CEP290: variants seen among roughly 807,000 people sequenced by gnomAD.
The protein encoded by CEP290 is centrosomal protein 290.
Under a neutral mutation model 344.9 loss-of-function variants are expected in CEP290, and 317 were observed. That is an observed-to-expected ratio of 0.92 (90% CI 0.84 to 1.01). The LOEUF (loss-of-function observed/expected upper bound fraction) is 1.01. Ranked by LOEUF, CEP290 falls within the 50% of genes least tolerant of loss-of-function variation. The probability of loss-of-function intolerance (pLI) is 0.00; values close to 1 mark genes in which losing one functional copy is unlikely to be tolerated. For synonymous variants in CEP290, 932 were observed against 895.8 expected (o/e 1.04, Z -0.72); for missense variants, 2,754 against 2,761.4 (o/e 1.00, Z 0.06).
chr12:88,111,063 A>ATC (rs2038652684), intron 22 of CEP290, 139 bp downstream of exon 22: 2 of 443,840 alleles, frequency 4.5e-6, no homozygotes, highest in East Asian at 7.6e-5. Flanking sequence ...AATATTGAGA[A>ATC]AAGTACTATC....
rs142742071 is a variant in CEP290, at chr12:88,118,575, A to C, written c.1624-5T>G. 4 of 1,605,526 alleles carry C rather than the reference A, an allele frequency of 2.5e-6. No individual in the cohort carries two copies. The African/African-American group carries it at 5.4e-5, about 21-fold the overall frequency. The stretch of plus-strand genomic sequence containing the variant: ...TTCTTCCTCTAGACTTTCAATCTGC[A>C]AAGTATAAATTATTAGTATTTCTCT... On this transcript the variant is annotated splice_region_variant and splice_polypyrimidine_tract_variant and intron_variant, in intron 16 of 53. Coordinates refer to ENST00000552810, the MANE Select transcript of CEP290 (RefSeq NM_025114.4).
chr12:88,051,603 T>A (rs1379629440), intron 52 of CEP290: 1 of 152,166 alleles, frequency 6.6e-6, no homozygotes. Flanking sequence ...CTTTGAAAAA[T>A]GACAGGTAAT....
chr12:88,079,659 C>T (rs1225092488), intron 38 of CEP290, among the ~76,000 whole-genome samples: 1 of 152,022 alleles, frequency 6.6e-6, no homozygotes, highest in Non-Finnish European at 1.5e-5. Flanking sequence ...CAGAAAAACA[C>T]CAGCATCTTC....
intron 6 of CEP290, among the ~76,000 whole-genome samples, chr12:88,134,911 A>G (rs2040271889): frequency 6.6e-6 from 1 of 152,138 alleles, no homozygotes; most frequent in Non-Finnish European, 1.5e-5. Context: ...ATTAACCACC[A>G]TATATATCCT....
At position 88,055,664 on chromosome 12, in the gene CEP290, T is replaced by A; in HGVS notation, c.6872A>T (p.Gln2291Leu). ...AAGCTGTTTAAGGTCAGTAATGCTT[T>A]GATTTTTTTTGGCAATATCAGTTTC... ...ELETDIAKKN[Q>L]SITDLKQLVK... Residue 2291 changes from glutamine (Q) to leucine (L), a missense_variant, in exon 50 of 54, where the codon CAA (glutamine) becomes CTA (leucine). Transcript: ENST00000552810. The A allele has an allele frequency of 6.4e-7, 1 of 1,556,854 alleles. No individual in the cohort carries two copies. Among genetic ancestry groups the A allele is most frequent in the Non-Finnish European group, 8.7e-7 (1 of 1,151,454 alleles).
intron 14 of CEP290, 76 bp downstream of exon 14, chr12:88,120,921 A>G: frequency 2.5e-6 from 3 of 1,206,786 alleles, no homozygotes; most frequent in Non-Finnish European, 1.2e-6. Context: ...AATGGTATGC[A>G]GTAAATAGCA....
intron 22 of CEP290, among the ~76,000 whole-genome samples, chr12:88,110,704 GT>G (rs2038625587): frequency 6.6e-6 from 1 of 152,070 alleles, no homozygotes; most frequent in Admixed American, 6.5e-5. Context: ...GTGAGGCTCT[GT>G]CTCAAAAAAA....
chr12:88,131,686 T>C (rs1276131603), intron 6 of CEP290, among the ~76,000 whole-genome samples: 5 of 152,070 alleles, frequency 3.3e-5, no homozygotes, highest in Non-Finnish European at 5.9e-5. Context: ...ACATAAATAA[T>C]AGGCCAAAAT....
chr12:88,114,474 A>C lies in CEP290; in HGVS notation c.1998T>G (p.Asp666Glu), dbSNP rs376320828. 4 of 1,548,266 alleles carry C rather than the reference A, an allele frequency of 2.6e-6. No individual in the cohort carries two copies. In the Admixed American group the frequency reaches 7.9e-5, roughly 31 times the overall value. ...TTAGAGATGTTTCTCCTCCTTTAAC[A>C]TCAGGATCTTTCTGCATTTCCTTAA... ...QAIKEMQKDPDVKGGETSLII... is the reference protein window; with the variant it reads ...QAIKEMQKDPEVKGGETSLII... Residue 666 changes from aspartate (D) to glutamate (E), a missense_variant, in exon 20 of 54, where the codon GAT (aspartate) becomes GAG (glutamate). Asp to Glu is a conservative substitution (Grantham distance 45, BLOSUM62 2). Transcript: ENST00000552810.
intron 6 of CEP290, among the ~76,000 whole-genome samples, chr12:88,134,111 C>G (rs952470708): frequency 6.6e-6 from 1 of 152,112 alleles, no homozygotes; most frequent in African/African-American, 2.4e-5. Context: ...CACAGATACC[C>G]TTTTTGAATA....
intron 31 of CEP290, among the ~76,000 whole-genome samples, chr12:88,088,361 A>G (rs1348909360): frequency 6.6e-6 from 1 of 152,198 alleles, no homozygotes; most frequent in Non-Finnish European, 1.5e-5. Flanking sequence ...CCATATTAAA[A>G]GTAAATGTGG....
At chr12:88,112,317 G>A (rs912306704) in intron 20 of CEP290, among the ~76,000 whole-genome samples, 4 of 152,058 alleles carry the variant, frequency 2.6e-5, no homozygotes, top group African/African-American at 9.7e-5. Context: ...TGCATTCAAA[G>A]CATGCGCAAA....
At chr12:88,071,758 T>A in intron 42 of CEP290, 23 bp downstream of exon 42, 1 of 1,546,424 alleles carries the variant, frequency 6.5e-7, no homozygotes, top group Non-Finnish European at 8.7e-7. Context: ...CATAATTAGT[T>A]TTATAATGAT....
intron 26 of CEP290, among the ~76,000 whole-genome samples, chr12:88,098,327 C>T (rs983669729): frequency 2.2e-5 from 3 of 134,218 alleles, no homozygotes; most frequent in East Asian, 4.6e-4. Flanking sequence ...AAGTCAGTAT[C>T]GACCAGGTGC....
intron 5 of CEP290, among the ~76,000 whole-genome samples, chr12:88,138,818 A>T (rs2040479182): frequency 6.6e-6 from 1 of 152,200 alleles, no homozygotes; most frequent in South Asian, 2.1e-4. Context: ...CAGCTTTGTC[A>T]AAAATTACTT....
At chr12:88,115,660 G>A in intron 18 of CEP290, 1 of 993,622 alleles carries the variant, frequency 1.0e-6, no homozygotes, top group South Asian at 1.6e-5. Context: ...GTGTATAACT[G>A]ATGTTAAAGT....
chr12:88,114,574 C>T lies in CEP290; in HGVS notation c.1910-12G>A. 6.6e-7 allele frequency: 1 copy of T among 1,526,166 alleles called. No individual in the cohort carries two copies. 94.5% of individuals were successfully genotyped at this position (1,526,166 alleles called of 1,614,324 possible). On this transcript the variant is annotated splice_polypyrimidine_tract_variant and intron_variant, in intron 19 of 53. Transcript: ENST00000552810. ...AACTAATTCTTTTACTGTAATTACA[C>T]AGTTTTCTCATTGGATGATCAGATC...
In CEP290 at chr12:88,086,188, T is replaced by C. The variant is rs767235408; in HGVS notation, c.4303-15A>G. The C allele has an allele frequency of 2.6e-5, 41 of 1,600,490 alleles. No individual in the cohort carries two copies. The highest frequency in any genetic ancestry group is 3.1e-5 in the Non-Finnish European group (36 of 1,177,084). On this transcript the variant is annotated splice_polypyrimidine_tract_variant and intron_variant, in intron 33 of 53. Coordinates refer to ENST00000552810, the MANE Select transcript of CEP290 (RefSeq NM_025114.4). ...GCTTCTTCAAACTATTAAGAAATAG[T>C]ATGTTTTTTAAAAAAGCAGTTGCAG... is the stretch of plus-strand genomic sequence containing the variant.
At chr12:88,077,112 A>G in intron 41 of CEP290, 110 bp downstream of exon 41, 5 of 1,040,588 alleles carry the variant, frequency 4.8e-6, no homozygotes, top group Non-Finnish European at 6.8e-6. Context: ...TACAGAATTA[A>G]TACAGCCAGG....
Sources: gnomAD v4.1 joint callset for allele counts (sites outside exome capture counted in the v4.1 genomes callset) on GRCh38, gnomAD v4.1.1 for gene constraint, MANE v1.5 for transcripts, NCBI Gene and HGNC (gene_info 2026-07-23, HGNC 2026-07-21) for gene names.